Variants in DCTN6 observed in about 807,000 individuals in gnomAD.
DCTN6 encodes the protein dynactin 6.
In DCTN6, 15 loss-of-function variants were observed where a neutral mutation model predicts 25.8. The observed-to-expected ratio is 0.58, with a 90% CI of 0.39 to 0.89. The LOEUF is 0.89. Ranked by LOEUF, DCTN6 falls within the 40% of genes least tolerant of loss-of-function variation. DCTN6 has a pLI of 0.00. For missense variants in DCTN6, 198 were observed against 237.6 expected, an observed-to-expected ratio of 0.83 and a Z score of 1.09; for synonymous variants, 64 against 78.3, an observed-to-expected ratio of 0.82 and a Z score of 0.96.
intron 4 of DCTN6, 96 bp from the exon 5 acceptor site, chr8:30,179,312 C>T: frequency 1.0e-6 from 1 of 997,770 alleles, no homozygotes; most frequent in Non-Finnish European, 1.5e-6. Context: ...CATCTGACAC[C>T]CCTGTCCTCT....
chr8:30,166,319 C>CT (rs200865266), intron 2 of DCTN6, among the ~76,000 whole-genome samples: 3,864 of 120,074 alleles, frequency 0.032, 54 homozygotes, highest in East Asian at 0.047. Flanking sequence ...TTTTTTCTTT[C>CT]TTTTTTTTTT....
intron 2 of DCTN6, among the ~76,000 whole-genome samples, chr8:30,170,149 G>A (rs1803743841): frequency 1.3e-5 from 2 of 150,610 alleles, no homozygotes; most frequent in African/African-American, 2.5e-5. Context: ...CTCCAGCCAG[G>A]ACGACAGAGC....
chr8:30,161,277 G>T (rs1803590563), intron 1 of DCTN6, among the ~76,000 whole-genome samples: 2 of 152,184 alleles, frequency 1.3e-5, no homozygotes, highest in Non-Finnish European at 2.9e-5. Context: ...GGAACTGTGA[G>T]TCAATTAAAC....
At chr8:30,164,048 G>A in intron 1 of DCTN6, 63 bp from the exon 2 acceptor site, 1 of 1,375,572 alleles carries the variant, frequency 7.3e-7, no homozygotes, top group Non-Finnish European at 1.0e-6. Flanking sequence ...CAATGTCACG[G>A]TAGCTCCTCC....
At chr8:30,166,554 G>C (rs79502487) in intron 2 of DCTN6, among the ~76,000 whole-genome samples, 1 of 150,570 alleles carries the variant, frequency 6.6e-6, no homozygotes, top group African/African-American at 2.5e-5. Flanking sequence ...ATTATGTGGT[G>C]GGGGGGGTAT....
At chr8:30,156,486 C>T (rs1332061082) in intron 1 of DCTN6, 80 bp downstream of exon 1, 1 of 1,509,700 alleles carries the variant, frequency 6.6e-7, no homozygotes, top group Non-Finnish European at 9.0e-7. Flanking sequence ...ATGGTGGCGA[C>T]TCAGAAGGTG....
chr8:30,169,373 G>T (rs1439340104), intron 2 of DCTN6, among the ~76,000 whole-genome samples: 1 of 152,204 alleles, frequency 6.6e-6, no homozygotes, highest in African/African-American at 2.4e-5. Flanking sequence ...GACAGGAAAA[G>T]TGTCCTTTAC....
intron 2 of DCTN6, chr8:30,165,863 GA>G (rs376651362): frequency 1.6e-3 from 203 of 130,544 alleles, no homozygotes; most frequent in Middle Eastern, 3.9e-3. Context: ...CTCCTTCTCA[GA>G]AAAAAAAAAA....
intron 6 of DCTN6, among the ~76,000 whole-genome samples, chr8:30,181,638 C>G (rs1803911921): frequency 6.6e-6 from 1 of 152,116 alleles, no homozygotes; most frequent in Non-Finnish European, 1.5e-5. Context: ...GTTTCAAGCA[C>G]TGTGCGAGGC....
At chr8:30,180,135 A>T (rs1803892729) in intron 5 of DCTN6, among the ~76,000 whole-genome samples, 1 of 152,170 alleles carries the variant, frequency 6.6e-6, no homozygotes, top group Admixed American at 6.6e-5. Flanking sequence ...TATTTATTTT[A>T]TGCTTACTGT....
At chr8:30,174,503 T>G (rs1236625921) in intron 2 of DCTN6, among the ~76,000 whole-genome samples, 2 of 152,098 alleles carry the variant, frequency 1.3e-5, no homozygotes, top group African/African-American at 4.8e-5. Flanking sequence ...CCTGGCTAAT[T>G]TTAGTATTTT....
Position 30,173,696 on chromosome 8 carries a change from C to T in DCTN6, c.89-1389C>T, listed in dbSNP as rs571337237. Among the ~76,000 whole-genome samples, 4 of 147,966 alleles carry T rather than the reference C, an allele frequency of 2.7e-5. No homozygotes were observed. The East Asian group carries it at 6.1e-4, about 22-fold the overall frequency. ...AGGGAGTTATGATCACACTACTACACTCCAGCCTGGGTGACAGAATGAGAC... is the reference window on the plus strand; with the variant it reads ...AGGGAGTTATGATCACACTACTACATTCCAGCCTGGGTGACAGAATGAGAC... On this transcript the variant is annotated intron_variant, in intron 2 of 6. Coordinates refer to ENST00000221114, the MANE Select transcript of DCTN6 (RefSeq NM_006571.4).
chr8:30,164,766 G>C (rs1178318349), intron 2 of DCTN6, among the ~76,000 whole-genome samples: 1 of 152,206 alleles, frequency 6.6e-6, no homozygotes, highest in African/African-American at 2.4e-5. Context: ...CCAGCATGGA[G>C]CTCCGGCCCT....
chr8:30,167,513 T>G (rs1245613250), intron 2 of DCTN6, among the ~76,000 whole-genome samples: 1 of 151,954 alleles, frequency 6.6e-6, no homozygotes, highest in Non-Finnish European at 1.5e-5. Flanking sequence ...ACCTGGCTAA[T>G]TTTTGTATTT....
chr8:30,164,998 A>G (rs116075360), intron 2 of DCTN6, among the ~76,000 whole-genome samples: 2,593 of 152,330 alleles, frequency 0.017, 89 homozygotes, highest in African/African-American at 0.059. Context: ...AGCTGGTTGC[A>G]TTGCAGCCGC....
intron 1 of DCTN6, among the ~76,000 whole-genome samples, chr8:30,162,176 G>A (rs1416558202): frequency 1.3e-5 from 2 of 150,714 alleles, no homozygotes; most frequent in South Asian, 2.1e-4. Context: ...TGCAAGCTCC[G>A]CCTCCTGGGT....
At chr8:30,163,168 A>G (rs770043767) in intron 1 of DCTN6, among the ~76,000 whole-genome samples, 28 of 152,126 alleles carry the variant, frequency 1.8e-4, no homozygotes, top group Non-Finnish European at 3.2e-4. Flanking sequence ...GTGGTGGCAC[A>G]TGCCTGTAAT....
At chr8:30,180,098 A>T (rs1037433167) in intron 5 of DCTN6, among the ~76,000 whole-genome samples, 1 of 152,342 alleles carries the variant, frequency 6.6e-6, no homozygotes, top group Non-Finnish European at 1.5e-5. Context: ...TGGATTATCA[A>T]TTATCACTAT....
chr8:30,172,880 G>A (rs1282662230), intron 2 of DCTN6, among the ~76,000 whole-genome samples: 1 of 152,126 alleles, frequency 6.6e-6, no homozygotes, highest in Admixed American at 6.5e-5. Context: ...ATGTATCTAT[G>A]TGAATATGTG....
Sources: gnomAD v4.1 joint callset for allele counts (sites outside exome capture counted in the v4.1 genomes callset) on GRCh38, gnomAD v4.1.1 for gene constraint, MANE v1.5 for transcripts, NCBI Gene and HGNC (gene_info 2026-07-23, HGNC 2026-07-21) for gene names.